The following SMARCA2 variants were observed in gnomAD, a reference collection of about 807,000 sequenced individuals.
SMARCA2 encodes the protein SWI/SNF related BAF chromatin remodeling complex subunit ATPase 2.
In SMARCA2, 61 loss-of-function variants were observed where a neutral mutation model predicts 199.8. That is an observed-to-expected ratio of 0.31 (90% CI 0.25 to 0.38). The LOEUF (loss-of-function observed/expected upper bound fraction) is 0.38. Ranked by LOEUF, SMARCA2 falls within the 10% of genes least tolerant of loss-of-function variation. SMARCA2 has a pLI of 1.00. For missense variants in SMARCA2, 1,344 were observed against 2,012.2 expected (o/e 0.67, Z 6.35); for synonymous variants, 935 against 732.0 (o/e 1.28, Z -4.48).
chr9:2,047,508 G>GA, intron 5 of SMARCA2, 24 bp downstream of exon 5: 1 of 1,371,250 alleles, frequency 7.3e-7, no homozygotes, highest in Non-Finnish European at 9.5e-7. Context: ...CCAGCAAGGG[G>GA]CCCCCTGCGG....
chr9:2,184,427 G>A (rs375074864), intron 31 of SMARCA2, among the ~76,000 whole-genome samples: 8 of 145,366 alleles, frequency 5.5e-5, no homozygotes, highest in Admixed American at 1.4e-4. Flanking sequence ...ATCTCGGCTC[G>A]CTGCAAACTC....
chr9:2,157,023 T>C (rs1233305201), intron 27 of SMARCA2, among the ~76,000 whole-genome samples: 1 of 152,178 alleles, frequency 6.6e-6, no homozygotes, highest in Admixed American at 6.5e-5. Flanking sequence ...ACAGTAATAA[T>C]CAAAAACTTA....
intron 5 of SMARCA2, among the ~76,000 whole-genome samples, chr9:2,051,754 G>C (rs141866646): frequency 6.6e-6 from 1 of 152,304 alleles, no homozygotes; most frequent in South Asian, 2.1e-4. Context: ...ATGGGCTCAC[G>C]CCACTATAAT....
intron 27 of SMARCA2, among the ~76,000 whole-genome samples, chr9:2,140,630 C>A (rs1487680575): frequency 1.3e-5 from 2 of 152,106 alleles, no homozygotes; most frequent in East Asian, 3.9e-4. Flanking sequence ...ATGAAAAATA[C>A]AGAAGAGTGA....
intron 27 of SMARCA2, among the ~76,000 whole-genome samples, chr9:2,156,272 G>A (rs1003797483): frequency 2.6e-5 from 4 of 152,078 alleles, no homozygotes; most frequent in Non-Finnish European, 4.4e-5. Flanking sequence ...TGTGCTGTGT[G>A]TCGAGGTGGT....
intron 1 of SMARCA2, among the ~76,000 whole-genome samples, chr9:2,022,488 G>T (rs1164259258): frequency 6.6e-6 from 1 of 152,024 alleles, no homozygotes; most frequent in East Asian, 1.9e-4. Flanking sequence ...CAATGAACTT[G>T]GAGTTCATTG....
intron 4 of SMARCA2, chr9:2,043,983 T>G (rs944435741): frequency 6.6e-6 from 1 of 152,274 alleles, no homozygotes; most frequent in African/African-American, 2.4e-5. Context: ...GAATGTGATT[T>G]GTCTTCCATT....
intron 31 of SMARCA2, among the ~76,000 whole-genome samples, chr9:2,182,736 C>A (rs1195030416): frequency 6.6e-6 from 1 of 151,808 alleles, no homozygotes; most frequent in African/African-American, 2.4e-5. Flanking sequence ...CTCAGGTGAT[C>A]CGCCTGCCTC....
At chr9:2,082,153 C>T (rs1318633758) in intron 15 of SMARCA2, among the ~76,000 whole-genome samples, 158 bp downstream of exon 15, 1 of 152,062 alleles carries the variant, frequency 6.6e-6, no homozygotes, top group Non-Finnish European at 1.5e-5. Flanking sequence ...GTTTTAATTT[C>T]CCACCCCTCC....
At chr9:2,186,007 T>G in intron 31 of SMARCA2, 89 bp from the exon 32 acceptor site, 1 of 1,241,488 alleles carries the variant, frequency 8.1e-7, no homozygotes, top group Non-Finnish European at 1.1e-6. Context: ...AAAATTCATG[T>G]GAATTAAGCT....
rs116578270 is a variant in SMARCA2 at position 2,053,714 on chromosome 9, C to A, written c.1047-883C>A. The stretch of plus-strand genomic sequence containing the variant: ...TGCCTCAGATTTAGGGGATGTAGTT[C>A]TAAAAATAGTCTTAAATGGCATATA... On this transcript the variant is annotated intron_variant, in intron 5 of 33. Coordinates refer to ENST00000349721, the MANE Select transcript of SMARCA2 (RefSeq NM_003070.5). Among the ~76,000 whole-genome samples the A allele has an allele frequency of 2.5e-3, 382 of 152,188 alleles. 1 individual carries two copies. Among genetic ancestry groups the A allele is most frequent in the African/African-American group, 8.5e-3 (355 of 41,532 alleles).
chr9:2,179,773 G>A (rs1378259233), intron 29 of SMARCA2, among the ~76,000 whole-genome samples: 1 of 152,184 alleles, frequency 6.6e-6, no homozygotes, highest in Non-Finnish European at 1.5e-5. Flanking sequence ...TGTAGAAGAT[G>A]ACACCATGAA....
chr9:2,068,755 A>G (rs1467759705), intron 9 of SMARCA2, among the ~76,000 whole-genome samples: 1 of 152,156 alleles, frequency 6.6e-6, no homozygotes, highest in Non-Finnish European at 1.5e-5. Flanking sequence ...ACTATGCAGA[A>G]ATAGTATAGC....
At chr9:2,018,689 G>A (rs1039553561) in intron 1 of SMARCA2, among the ~76,000 whole-genome samples, 28 of 152,206 alleles carry the variant, frequency 1.8e-4, no homozygotes, top group African/African-American at 6.8e-4. Flanking sequence ...TTGCTTGGGC[G>A]TTGAGTAGCA....
At position 2,035,808 on chromosome 9, in the gene SMARCA2, G is replaced by T. The variant is rs529030420; in HGVS notation, c.355+2727G>T. 2.0e-5 allele frequency among the ~76,000 whole-genome samples: 3 copies of T among 152,332 alleles called. No individual in the cohort carries two copies. The South Asian group carries it at 6.2e-4, about 32-fold the overall frequency. On this transcript the variant is annotated intron_variant, in intron 3 of 33. Coordinates refer to ENST00000349721, the MANE Select transcript of SMARCA2 (RefSeq NM_003070.5). ...ATTCTCTAAAATAGTGAAGTGCATT[G>T]TAGGCTGAGGAATGAGTTATTTAAG... is the stretch of plus-strand genomic sequence containing the variant.
Position 2,047,083 on chromosome 9 carries a change from CT to C in SMARCA2, c.791-133del, listed in dbSNP as rs113139565. ...CTCCCTCCTCTTCCTTCTTGCCCTC[CT>C]TTTTTTTTTTTTCCTTCTCTTCCCT... On this transcript the variant is annotated intron_variant, in intron 4 of 33. Transcript: ENST00000349721. 0.2 allele frequency: 76,417 copies of C among 378,460 alleles called. 2,846 individuals are homozygous for C. Among genetic ancestry groups the C allele is most frequent in the Middle Eastern group, 0.23 (176 of 768 alleles). The allele number at this position is 378,460 out of a possible 1,614,324, so 23.4% of individuals were successfully genotyped here.
At chr9:2,105,244 TA>T (rs200159693) in intron 23 of SMARCA2, among the ~76,000 whole-genome samples, 1 of 151,850 alleles carries the variant, frequency 6.6e-6, no homozygotes, top group African/African-American at 2.4e-5. Context: ...TTTTTTTTTT[TA>T]TTTTATTTTG....
chr9:2,101,643 A>T (rs560256373), intron 22 of SMARCA2, 27 bp downstream of exon 22: 2 of 1,187,316 alleles, frequency 1.7e-6, no homozygotes, highest in Non-Finnish European at 2.4e-6. Flanking sequence ...TTTTTCTTTT[A>T]AAAAAAAATG....
chr9:2,152,118 CTGA>C (rs140907574), intron 27 of SMARCA2, among the ~76,000 whole-genome samples: 3 of 152,292 alleles, frequency 2.0e-5, no homozygotes, highest in Non-Finnish European at 4.4e-5. Context: ...GTTAAATAGT[CTGA>C]TGACACCACT....
Sources: gnomAD v4.1 joint callset for allele counts (sites outside exome capture counted in the v4.1 genomes callset) on GRCh38, gnomAD v4.1.1 for gene constraint, MANE v1.5 for transcripts, NCBI Gene and HGNC (gene_info 2026-07-23, HGNC 2026-07-21) for gene names.